CNTN5: variants seen among roughly 807,000 people sequenced by gnomAD.
CNTN5 encodes the protein contactin-5.
In CNTN5, 77 loss-of-function variants were observed where a neutral mutation model predicts 129.1. That is an observed-to-expected ratio of 0.60 (90% CI 0.50 to 0.72). CNTN5 has a LOEUF of 0.72. CNTN5 is among the 30% of genes least tolerant of loss of function. The probability of loss-of-function intolerance (pLI) is 0.00; values close to 1 mark genes in which losing one functional copy is unlikely to be tolerated. For synonymous variants in CNTN5, 509 were observed against 465.6 expected (o/e 1.09, Z -1.20); for missense variants, 1,478 against 1,328.8 (o/e 1.11, Z -1.75).
chr11:99,286,083 T>A (rs1156418421), intron 1 of CNTN5, among the ~76,000 whole-genome samples: 2 of 147,210 alleles, frequency 1.4e-5, no homozygotes, highest in Admixed American at 6.8e-5. Context: ...GGTAACAGAG[T>A]CTTCATATTT....
At chr11:99,369,399 T>C (rs182086748) in intron 2 of CNTN5, among the ~76,000 whole-genome samples, 1 of 151,316 alleles carries the variant, frequency 6.6e-6, no homozygotes. Flanking sequence ...TTGTAGTCAC[T>C]CTTAACCCTG....
At chr11:99,911,461 T>G (rs1264160008) in intron 6 of CNTN5, among the ~76,000 whole-genome samples, 1 of 151,974 alleles carries the variant, frequency 6.6e-6, no homozygotes, top group African/African-American at 2.4e-5. Flanking sequence ...CACAGCGTTT[T>G]ACTTCTAATT....
chr11:99,803,437 C>T (rs867522963), intron 3 of CNTN5, among the ~76,000 whole-genome samples: 2 of 152,166 alleles, frequency 1.3e-5, no homozygotes, highest in Non-Finnish European at 2.9e-5. Context: ...GCAGGTGACC[C>T]AAGCTCTGGC....
chr11:99,245,548 T>C (rs1156349306), intron 1 of CNTN5, among the ~76,000 whole-genome samples: 2 of 152,146 alleles, frequency 1.3e-5, no homozygotes, highest in Admixed American at 1.3e-4. Flanking sequence ...CTTGAACTCC[T>C]GACCTCAAGT....
At chr11:100,090,499 T>TCCCTCCC in intron 13 of CNTN5, among the ~76,000 whole-genome samples, 1 of 31,182 alleles carries the variant, frequency 3.2e-5, no homozygotes, top group Middle Eastern at 0.011. Flanking sequence ...CCTTTCCTCC[T>TCCCTCCC]TTCCTCCCTC....
intron 23 of CNTN5, among the ~76,000 whole-genome samples, chr11:100,345,343 GCATTGAT>G (rs1952255833): frequency 6.6e-6 from 1 of 152,192 alleles, no homozygotes; most frequent in Non-Finnish European, 1.5e-5. Context: ...TTTTATAAGG[GCATTGAT>G]CATACTCATG....
chr11:99,673,297 C>T (rs1050091209), intron 3 of CNTN5, among the ~76,000 whole-genome samples: 3 of 152,070 alleles, frequency 2.0e-5, no homozygotes, highest in Non-Finnish European at 4.4e-5. Flanking sequence ...ATAGGAAGCA[C>T]AGACTTATAG....
chr11:99,556,564 T>TATAC (rs1425167939), intron 3 of CNTN5, among the ~76,000 whole-genome samples: 1 of 117,090 alleles, frequency 8.5e-6, no homozygotes, highest in Non-Finnish European at 1.6e-5. Flanking sequence ...AATATATATA[T>TATAC]ATATATATAT....
At chr11:99,504,173 A>C (rs79649457) in intron 2 of CNTN5, among the ~76,000 whole-genome samples, 6,994 of 152,250 alleles carry the variant, frequency 0.046, 201 homozygotes, top group Middle Eastern at 0.082. Flanking sequence ...TAGAGTTTTG[A>C]TGTAAACTAA....
At chr11:99,228,800 C>T (rs543608456) in intron 1 of CNTN5, among the ~76,000 whole-genome samples, 1 of 152,048 alleles carries the variant, frequency 6.6e-6, no homozygotes, top group African/African-American at 2.4e-5. Context: ...TATATCACTA[C>T]TTAATTATAT....
In CNTN5 at chr11:99,530,406, C is replaced by T. The variant is rs149983022; in HGVS notation, c.-70-25739C>T. Among the ~76,000 whole-genome samples the T allele has an allele frequency of 1.0e-3, 152 of 152,276 alleles. 1 individual carries two copies. The highest frequency in any genetic ancestry group is 3.5e-3 in the African/African-American group (145 of 41,550). On this transcript the variant is annotated intron_variant, in intron 2 of 24. Transcript: ENST00000524871. Reference sequence around the variant, plus strand: ...TTAGGAGAATGATTATGATTTCCCTCATTGATTCATACAATAACAAACACT... The same window carrying T: ...TTAGGAGAATGATTATGATTTCCCTTATTGATTCATACAATAACAAACACT...
At chr11:99,037,085 C>G (rs144703529) in intron 1 of CNTN5, among the ~76,000 whole-genome samples, 46 of 152,282 alleles carry the variant, frequency 3.0e-4, no homozygotes, top group Admixed American at 1.1e-3. Flanking sequence ...CAGTGGAGAT[C>G]CAATGAAGAG....
At chr11:99,429,869 T>C (rs1943291797) in intron 2 of CNTN5, among the ~76,000 whole-genome samples, 1 of 152,038 alleles carries the variant, frequency 6.6e-6, no homozygotes, top group South Asian at 2.1e-4. Flanking sequence ...AACTATTTAC[T>C]GTAAGCAGCT....
chr11:99,415,562 C>T (rs1479453585), intron 2 of CNTN5, among the ~76,000 whole-genome samples: 1 of 152,154 alleles, frequency 6.6e-6, no homozygotes, highest in Non-Finnish European at 1.5e-5. Context: ...GGTTTTATGG[C>T]TGTCTTTGAC....
At chr11:99,566,157 C>G (rs1479626241) in intron 3 of CNTN5, among the ~76,000 whole-genome samples, 1 of 152,068 alleles carries the variant, frequency 6.6e-6, no homozygotes, top group South Asian at 2.1e-4. Flanking sequence ...GCTTGGTGCC[C>G]TCCTCTTGGT....
At position 99,938,254 on chromosome 11, in the gene CNTN5, A is replaced by G. The variant is rs548281125; in HGVS notation, c.674-18552A>G. ...CATTCTAGGATTCTAGTTATAAACC[A>G]TACCCATGTCTTGTACAGGAAACAA... On this transcript the variant is annotated intron_variant, in intron 7 of 24. Coordinates refer to ENST00000524871, the MANE Select transcript of CNTN5 (RefSeq NM_014361.4). Among the ~76,000 whole-genome samples, 5 of 152,272 alleles carry G rather than the reference A, an allele frequency of 3.3e-5. No homozygotes were observed. In the South Asian group the frequency reaches 1.0e-3, roughly 32 times the overall value.
At chr11:100,031,309 A>G (rs1225459865) in intron 9 of CNTN5, among the ~76,000 whole-genome samples, 1 of 152,178 alleles carries the variant, frequency 6.6e-6, no homozygotes, top group Non-Finnish European at 1.5e-5. Context: ...GGACTGCCAG[A>G]ATGAGCCAAC....
intron 4 of CNTN5, among the ~76,000 whole-genome samples, chr11:99,838,577 A>G (rs1379336377): frequency 6.6e-6 from 1 of 152,208 alleles, no homozygotes; most frequent in Non-Finnish European, 1.5e-5. Context: ...TTCTGGCTCT[A>G]GGTCTTTCAT....
chr11:99,247,377 A>G (rs1025087441), intron 1 of CNTN5, among the ~76,000 whole-genome samples: 47 of 152,102 alleles, frequency 3.1e-4, no homozygotes, highest in African/African-American at 1.1e-3. Context: ...TACCATATAC[A>G]CAGACTTTAT....
Sources: allele counts gnomAD v4.1 joint callset (sites outside exome capture counted in the v4.1 genomes callset), GRCh38; gene constraint gnomAD v4.1.1; transcripts MANE v1.5; gene names NCBI Gene and HGNC (gene_info 2026-07-23, HGNC 2026-07-21).